ATXN7: variants seen among roughly 807,000 people sequenced by gnomAD.
ATXN7 encodes ataxin 7, also known as ataxin-7.
In ATXN7, 12 loss-of-function variants were observed where a neutral mutation model predicts 70.5. The observed-to-expected ratio is 0.17, with a 90% confidence interval of 0.11 to 0.28. The LOEUF is 0.28. Among genes scored for constraint, ATXN7 ranks in the 10% least tolerant of loss-of-function variants. The probability of loss-of-function intolerance (pLI) is 1.00; values close to 1 mark genes in which losing one functional copy is unlikely to be tolerated. For missense variants in ATXN7, 1,256 were observed against 1,131.7 expected (o/e 1.11, Z -1.58); for synonymous variants, 498 against 448.7 (o/e 1.11, Z -1.39).
chr3:63,976,340 T>C (rs1559653161), intron 5 of ATXN7, among the ~76,000 whole-genome samples: 1 of 152,202 alleles, frequency 6.6e-6, no homozygotes, highest in Non-Finnish European at 1.5e-5. Flanking sequence ...AAGTTACCAG[T>C]CCGTGATAAT....
intron 4 of ATXN7, among the ~76,000 whole-genome samples, chr3:63,938,682 A>G (rs1225289751): frequency 6.6e-6 from 1 of 152,254 alleles, no homozygotes; most frequent in Non-Finnish European, 1.5e-5. Flanking sequence ...CACCATGAGT[A>G]TTTATGGAAT....
chr3:63,918,744 A>T (rs1704388080), intron 4 of ATXN7, among the ~76,000 whole-genome samples: 1 of 152,184 alleles, frequency 6.6e-6, no homozygotes, highest in South Asian at 2.1e-4. Context: ...AGATGGCAGT[A>T]CTTGCAGTCT....
Position 63,980,257 on chromosome 3 carries a change from T to C in ATXN7, c.752+90T>C, listed in dbSNP as rs1182788469. The C allele has an allele frequency of 4.7e-6, 7 of 1,484,574 alleles. No homozygotes were observed. In the Admixed American group the frequency reaches 1.2e-4, roughly 24 times the overall value. 92.0% of individuals were successfully genotyped at this position (1,484,574 alleles called of 1,614,324 possible). On this transcript the variant is annotated intron_variant, in intron 6 of 12. Transcript: ENST00000674280. ...CATGTGAGAGTGCCTGTGAGTAATATAAAAGAGAGTCTACTTGGGGAAGAA... is the reference window on the plus strand; with the variant it reads ...CATGTGAGAGTGCCTGTGAGTAATACAAAAGAGAGTCTACTTGGGGAAGAA...
intron 6 of ATXN7, among the ~76,000 whole-genome samples, chr3:63,981,620 A>G (rs545145708): frequency 2.4e-4 from 36 of 152,342 alleles, no homozygotes; most frequent in African/African-American, 8.7e-4. Flanking sequence ...GAGAATTACC[A>G]CTTTAGTGAC....
intron 8 of ATXN7, among the ~76,000 whole-genome samples, chr3:63,984,091 G>A (rs2075532804): frequency 6.6e-6 from 1 of 151,986 alleles, no homozygotes; most frequent in African/African-American, 2.4e-5. Flanking sequence ...AAATTTTTAA[G>A]TGGTTCTTAC....
chr3:63,969,215 G>A (rs1220459285), intron 5 of ATXN7, among the ~76,000 whole-genome samples: 2 of 152,104 alleles, frequency 1.3e-5, no homozygotes, highest in Admixed American at 6.5e-5. Flanking sequence ...AATCTGTAAG[G>A]CTGTGTTCAA....
intron 1 of ATXN7, among the ~76,000 whole-genome samples, chr3:63,872,345 C>G (rs1046645403): frequency 6.6e-6 from 1 of 152,198 alleles, no homozygotes; most frequent in Non-Finnish European, 1.5e-5. Flanking sequence ...TAGGGCAGAG[C>G]AGTTCTCCAT....
intron 4 of ATXN7, among the ~76,000 whole-genome samples, chr3:63,951,857 A>G (rs2074959134): frequency 6.6e-6 from 1 of 152,234 alleles, no homozygotes; most frequent in Non-Finnish European, 1.5e-5. Context: ...TATGTAAGCA[A>G]AAGGACTAGA....
chr3:63,977,062 G>C (rs1559653473), intron 5 of ATXN7, among the ~76,000 whole-genome samples: 3 of 152,130 alleles, frequency 2.0e-5, no homozygotes, highest in Admixed American at 2.0e-4. Context: ...GTTTGGGTGT[G>C]GTTAATAACA....
chr3:63,980,110 G>C lies in ATXN7; in HGVS notation c.695G>C (p.Arg232Thr). Residue 232 changes from arginine to threonine, a missense_variant, in exon 6 of 13, where the codon AGG becomes ACG. By Grantham distance (71) the Arg-to-Thr change is moderately conservative. Coordinates refer to ENST00000674280, the MANE Select transcript of ATXN7 (RefSeq NM_001377405.1). ...TCACCCAAAGAGAAACTGCAGCTCA[G>C]GGGGAACACCAGGCCAATGCATCCC... The part of the protein sequence containing the change: ...LKSPKEKLQL[R>T]GNTRPMHPIQ... The C allele has an allele frequency of 1.2e-6, 2 of 1,614,194 alleles. No homozygotes were observed. Among genetic ancestry groups the C allele is most frequent in the South Asian group, 1.1e-5 (1 of 91,084 alleles).
At chr3:63,998,776 G>A (rs2075800427) in intron 12 of ATXN7, 1 of 819,710 alleles carries the variant, frequency 1.2e-6, no homozygotes, top group South Asian at 5.6e-5. Flanking sequence ...ACCCCAAAAT[G>A]CTTTAAAGAA....
chr3:63,949,424 A>T (rs2074917958), intron 4 of ATXN7, among the ~76,000 whole-genome samples: 1 of 152,072 alleles, frequency 6.6e-6, no homozygotes, highest in Non-Finnish European at 1.5e-5. Context: ...TGTGAGACAG[A>T]GTCTCACTCT....
intron 1 of ATXN7, among the ~76,000 whole-genome samples, chr3:63,889,153 A>T (rs1703182099): frequency 6.6e-6 from 1 of 152,194 alleles, no homozygotes; most frequent in South Asian, 2.1e-4. Flanking sequence ...TGATTATAGC[A>T]TTAACCTTAT....
chr3:63,919,075 A>T (rs1319051854), intron 4 of ATXN7, among the ~76,000 whole-genome samples: 1 of 152,134 alleles, frequency 6.6e-6, no homozygotes, highest in East Asian at 1.9e-4. Flanking sequence ...CCCCAGTTGC[A>T]GCGTGTGGGC....
intron 2 of ATXN7, chr3:63,905,234 C>G (rs1045982360): frequency 6.6e-6 from 1 of 151,454 alleles, no homozygotes; most frequent in Non-Finnish European, 1.5e-5. Context: ...TTTTTTGAGA[C>G]GGAGTCTTAT....
intron 5 of ATXN7, among the ~76,000 whole-genome samples, chr3:63,959,329 G>C (rs1273185760): frequency 6.6e-6 from 1 of 152,134 alleles, no homozygotes; most frequent in African/African-American, 2.4e-5. Context: ...CTTGTACCAG[G>C]TCTTTCTCCA....
intron 4 of ATXN7, among the ~76,000 whole-genome samples, chr3:63,941,332 G>A (rs2074763966): frequency 6.6e-6 from 1 of 152,132 alleles, no homozygotes; most frequent in Non-Finnish European, 1.5e-5. Context: ...GAGAGAGAGA[G>A]GAATGAGCAT....
intron 8 of ATXN7, 48 bp downstream of exon 8, chr3:63,983,069 T>C: frequency 7.0e-7 from 1 of 1,423,954 alleles, no homozygotes; most frequent in Non-Finnish European, 9.9e-7. Flanking sequence ...TAAACATGGG[T>C]GACTGGGATG....
At chr3:63,941,498 T>C (rs1013045016) in intron 4 of ATXN7, among the ~76,000 whole-genome samples, 1 of 152,232 alleles carries the variant, frequency 6.6e-6, no homozygotes, top group African/African-American at 2.4e-5. Context: ...AGTTTCATCC[T>C]GAAACCATTC....
Sources: gnomAD v4.1 joint callset for allele counts (sites outside exome capture counted in the v4.1 genomes callset) on GRCh38, gnomAD v4.1.1 for gene constraint, MANE v1.5 for transcripts, NCBI Gene and HGNC (gene_info 2026-07-23, HGNC 2026-07-21) for gene names.